The following CD226 variants were observed in gnomAD, a reference collection of about 807,000 sequenced individuals.
The protein encoded by CD226 is CD226 molecule, also known as CD226 antigen.
A neutral mutation model predicts 34.9 loss-of-function variants in CD226; 24 were observed. The ratio of observed to expected loss-of-function variants is 0.69; its 90% CI spans 0.50 to 0.97. The LOEUF is 0.97. CD226 is among the 50% of genes least tolerant of loss of function. The pLI is 0.00. For missense variants in CD226, 397 were observed against 412.7 expected (o/e 0.96, Z 0.33); for synonymous variants, 148 against 147.4 (o/e 1.00, Z -0.03).
chr18:69,912,857 A>C (rs1160288236), intron 2 of CD226, among the ~76,000 whole-genome samples: 1 of 152,030 alleles, frequency 6.6e-6, no homozygotes, highest in Admixed American at 6.5e-5. Flanking sequence ...CTTTGGATCT[A>C]ATCACTTGTA....
intron 3 of CD226, among the ~76,000 whole-genome samples, chr18:69,882,763 G>A (rs965425869): frequency 1.3e-5 from 2 of 152,176 alleles, no homozygotes; most frequent in African/African-American, 4.8e-5. Context: ...CTTGGATTCT[G>A]GGTGATCCTC....
intron 3 of CD226, among the ~76,000 whole-genome samples, chr18:69,894,643 G>A (rs1391318677): frequency 1.6e-5 from 2 of 124,094 alleles, no homozygotes; most frequent in Admixed American, 1.6e-4. Context: ...GAGGAGGGGA[G>A]GGGAGGGAGG....
chr18:69,921,082 G>A (rs2055445516), intron 2 of CD226, among the ~76,000 whole-genome samples: 1 of 152,118 alleles, frequency 6.6e-6, no homozygotes, highest in Non-Finnish European at 1.5e-5. Flanking sequence ...TCCTCTGGGA[G>A]GGCAATTCTT....
At chr18:69,944,481 T>C (rs2055765095) in intron 2 of CD226, 1 of 152,242 alleles carries the variant, frequency 6.6e-6, no homozygotes, top group Non-Finnish European at 1.5e-5. Context: ...TTAAAAATCC[T>C]ACCTTTGCAT....
intron 2 of CD226, among the ~76,000 whole-genome samples, chr18:69,898,145 C>G (rs1183863633): frequency 6.6e-6 from 1 of 151,678 alleles, no homozygotes; most frequent in Non-Finnish European, 1.5e-5. Flanking sequence ...GAAGGAAATG[C>G]GTGACAACAT....
intron 2 of CD226, among the ~76,000 whole-genome samples, chr18:69,929,128 A>G (rs533547066): frequency 1.3e-5 from 2 of 152,336 alleles, no homozygotes; most frequent in African/African-American, 4.8e-5. Context: ...ATTATTTACA[A>G]AAAGGTTGCT....
At chr18:69,874,465 C>T (rs759313612) in intron 3 of CD226, among the ~76,000 whole-genome samples, 4 of 152,148 alleles carry the variant, frequency 2.6e-5, no homozygotes, top group African/African-American at 4.8e-5. Flanking sequence ...TGTCTCTCTT[C>T]GGGAAAGCGA....
At chr18:69,907,047 G>C (rs1045889858) in intron 2 of CD226, among the ~76,000 whole-genome samples, 1 of 152,182 alleles carries the variant, frequency 6.6e-6, no homozygotes, top group African/African-American at 2.4e-5. Context: ...GACCCTGGTA[G>C]AGTTTGCTTT....
At position 69,939,603 on chromosome 18, in the gene CD226, G is replaced by A. The variant is rs115566982; in HGVS notation, c.382+7131C>T. Among the ~76,000 whole-genome samples the A allele has an allele frequency of 4.6e-3, 699 of 152,234 alleles. 6 individuals carry two copies. Among genetic ancestry groups the A allele is most frequent in the African/African-American group, 0.016 (663 of 41,526 alleles). ...TTTTCCCTATAATGAGAGAACTCTT[G>A]GATACCAAACAGAGTAGAATTATTG... is the stretch of plus-strand genomic sequence containing the variant. On this transcript the variant is annotated intron_variant, in intron 2 of 5. Coordinates refer to ENST00000582621, the MANE Select transcript of CD226 (RefSeq NM_001303618.2).
At chr18:69,886,961 AAAT>A (rs1984592922) in intron 3 of CD226, among the ~76,000 whole-genome samples, 1 of 152,192 alleles carries the variant, frequency 6.6e-6, no homozygotes, top group Non-Finnish European at 1.5e-5. Flanking sequence ...TGGCTATAAG[AAAT>A]AATAACTAGG....
chr18:69,865,745 A>G (rs2145174293), intron 5 of CD226, among the ~76,000 whole-genome samples: 1 of 152,374 alleles, frequency 6.6e-6, no homozygotes, highest in East Asian at 1.9e-4. Flanking sequence ...ATAAAAAGTT[A>G]AACTGATAAA....
At position 69,864,169 on chromosome 18, in the gene CD226, G is replaced by T; in HGVS notation, c.*145C>A. On this transcript the variant is annotated 3_prime_UTR_variant, in exon 6 of 6. Coordinates refer to ENST00000582621, the MANE Select transcript of CD226 (RefSeq NM_001303618.2). ...ACAGTTCTATGAAAAATGATTTTAG[G>T]TAATGAAGTATTTTTCCTATCAAAG... is the stretch of plus-strand genomic sequence containing the variant. 3.0e-6 allele frequency: 2 copies of T among 660,268 alleles called. No homozygotes were observed. Among genetic ancestry groups the T allele is most frequent in the Non-Finnish European group, 5.1e-6 (2 of 393,348 alleles). 40.9% of individuals were successfully genotyped at this position (660,268 alleles called of 1,614,324 possible).
At chr18:69,950,923 A>G (rs1030149544), upstream of CD226, among the ~76,000 whole-genome samples, 2 of 151,784 alleles carry the variant, frequency 1.3e-5, no homozygotes, top group Admixed American at 6.6e-5. Flanking sequence ...TCCACACGCC[A>G]CAGAGATATT....
chr18:69,911,696 A>C (rs1419447811), intron 2 of CD226, among the ~76,000 whole-genome samples: 1 of 152,214 alleles, frequency 6.6e-6, no homozygotes, highest in Non-Finnish European at 1.5e-5. Flanking sequence ...CACCACACTT[A>C]TCTGCCCCAT....
intron 2 of CD226, among the ~76,000 whole-genome samples, chr18:69,898,957 T>C (rs1204715915): frequency 2.0e-5 from 3 of 152,226 alleles, no homozygotes; most frequent in African/African-American, 7.2e-5. Context: ...AAATTTGATT[T>C]CAATAAAACA....
upstream of CD226, among the ~76,000 whole-genome samples, chr18:69,958,026 C>T (rs938091250): frequency 3.3e-5 from 5 of 152,204 alleles, no homozygotes; most frequent in Admixed American, 2.6e-4. Flanking sequence ...GGCCTTTGCA[C>T]GTGGAGTTTC....
intron 2 of CD226, among the ~76,000 whole-genome samples, chr18:69,939,283 C>T (rs760950074): frequency 1.3e-5 from 2 of 152,156 alleles, no homozygotes; most frequent in African/African-American, 2.4e-5. Flanking sequence ...AGTTTTACCA[C>T]GTTTGTATCT....
At chr18:69,874,399 C>T (rs1983737574) in intron 3 of CD226, among the ~76,000 whole-genome samples, 1 of 152,194 alleles carries the variant, frequency 6.6e-6, no homozygotes, top group Non-Finnish European at 1.5e-5. Context: ...GGAAGAATCC[C>T]ATCAACATCT....
At chr18:69,900,169 C>T (rs1026092889) in intron 2 of CD226, among the ~76,000 whole-genome samples, 2 of 152,134 alleles carry the variant, frequency 1.3e-5, no homozygotes, top group East Asian at 3.9e-4. Context: ...CCTCAGTAAA[C>T]TAATGCAGGA....
Sources: allele counts gnomAD v4.1 joint callset (sites outside exome capture counted in the v4.1 genomes callset), GRCh38; gene constraint gnomAD v4.1.1; transcripts MANE v1.5; gene names NCBI Gene and HGNC (gene_info 2026-07-23, HGNC 2026-07-21).